Variants in CLVS1 observed in about 807,000 individuals in gnomAD.
CLVS1 encodes the protein clavesin-1.
A neutral mutation model predicts 33.1 loss-of-function variants in CLVS1; 10 were observed. That is an observed-to-expected ratio of 0.30 (90% CI 0.19 to 0.51). The LOEUF (loss-of-function observed/expected upper bound fraction) is 0.51, where lower values mean the gene tolerates loss of function less well. CLVS1 is among the 20% of genes least tolerant of loss of function. CLVS1 has a pLI of 0.97. For synonymous variants in CLVS1, 163 were observed against 166.1 expected (o/e 0.98, Z 0.14); for missense variants, 343 against 433.4 (o/e 0.79, Z 1.85).
At chr8:61,405,984 G>A (rs890915413) in intron 3 of CLVS1, among the ~76,000 whole-genome samples, 2 of 152,130 alleles carry the variant, frequency 1.3e-5, no homozygotes, top group Non-Finnish European at 2.9e-5. Flanking sequence ...AAATTCTTGA[G>A]TCAAAGTCTA....
chr8:61,284,524 G>C (rs1213775300), upstream of CLVS1, among the ~76,000 whole-genome samples: 1 of 152,136 alleles, frequency 6.6e-6, no homozygotes, highest in African/African-American at 2.4e-5. Context: ...CATACAAAAA[G>C]ATTGTGTACT....
the CLVS1 span, among the ~76,000 whole-genome samples, chr8:60,997,934 TTGTGTGTG>T: frequency 6.7e-6 from 1 of 150,366 alleles, no homozygotes; most frequent in Non-Finnish European, 1.5e-5. Flanking sequence ...CTTAAGGTGC[TTGTGTGTG>T]TGTGTGTGTG....
At chr8:61,322,399 A>AT (rs2129596405) in intron 2 of CLVS1, among the ~76,000 whole-genome samples, 1 of 152,286 alleles carries the variant, frequency 6.6e-6, no homozygotes, top group African/African-American at 2.4e-5. Context: ...CATCCTTCCA[A>AT]AGATTCTGAG....
chr8:61,449,039 C>CT (rs200421449), intron 3 of CLVS1, among the ~76,000 whole-genome samples: 2,590 of 146,522 alleles, frequency 0.018, 27 homozygotes, highest in South Asian at 0.041. Flanking sequence ...TTTTAGCTGG[C>CT]TTTTTTTTTT....
intron 2 of CLVS1, among the ~76,000 whole-genome samples, chr8:61,144,561 G>A (rs138040358): frequency 0.024 from 3,622 of 152,052 alleles, 141 homozygotes; most frequent in African/African-American, 0.082. Flanking sequence ...TAATCCTTTG[G>A]GTATATACCC....
the CLVS1 span, chr8:60,966,600 C>T: frequency 4.2e-6 from 1 of 239,542 alleles, no homozygotes; most frequent in Non-Finnish European, 8.6e-6. Flanking sequence ...TTCTGGGTCC[C>T]AGGGAGTTGG....
the CLVS1 span, among the ~76,000 whole-genome samples, chr8:60,985,293 G>A: frequency 2.6e-5 from 4 of 152,166 alleles, no homozygotes; most frequent in Non-Finnish European, 5.9e-5. Flanking sequence ...CAATGTCCAC[G>A]GCACACAGCT....
In CLVS1 at chr8:61,165,231, G is replaced by A. The variant is rs193258420; in HGVS notation, c.-152+33371G>A. 1.4e-4 allele frequency among the ~76,000 whole-genome samples: 22 copies of A among 152,318 alleles called. 1 individual carries two copies. In the East Asian group the frequency reaches 3.7e-3, roughly 25 times the overall value. ...ATCCGGAAGAATGGAAGTCAGCGGCGGGTCTGCGACAGTGGCAAAACAGCA... is the reference window on the plus strand; with the variant it reads ...ATCCGGAAGAATGGAAGTCAGCGGCAGGTCTGCGACAGTGGCAAAACAGCA... On this transcript the variant is annotated intron_variant, in intron 2 of 2. Coordinates refer to the CLVS1 transcript ENST00000522621.
At chr8:61,015,233 C>G in the CLVS1 span, among the ~76,000 whole-genome samples, 1 of 152,196 alleles carries the variant, frequency 6.6e-6, no homozygotes, top group Admixed American at 6.5e-5. Flanking sequence ...ATCCTTACAG[C>G]AAACCTATGA....
chr8:61,421,489 G>A (rs1228872957), intron 3 of CLVS1, among the ~76,000 whole-genome samples: 2 of 152,210 alleles, frequency 1.3e-5, no homozygotes, highest in East Asian at 1.9e-4. Flanking sequence ...TGATTCTGAT[G>A]AAAGCAATCC....
chr8:61,041,885 GTTTTTTGTT>G, the CLVS1 span, among the ~76,000 whole-genome samples: 1 of 152,186 alleles, frequency 6.6e-6, no homozygotes, highest in South Asian at 2.1e-4. Context: ...AGGACTTCCT[GTTTTTTGTT>G]TTTTGAGAGA....
chr8:61,370,912 G>C (rs945805765), intron 2 of CLVS1, among the ~76,000 whole-genome samples: 3 of 152,016 alleles, frequency 2.0e-5, no homozygotes, highest in Non-Finnish European at 4.4e-5. Context: ...ATGGACATTT[G>C]GGCTGATTCC....
At chr8:61,122,416 G>A (rs1805889495) in intron 1 of CLVS1, among the ~76,000 whole-genome samples, 5 of 152,108 alleles carry the variant, frequency 3.3e-5, no homozygotes, top group South Asian at 2.1e-4. Flanking sequence ...CTCGGGCCAG[G>A]GATATAGATT....
chr8:60,981,625 G>A, the CLVS1 span, among the ~76,000 whole-genome samples: 1 of 152,224 alleles, frequency 6.6e-6, no homozygotes, highest in Non-Finnish European at 1.5e-5. Context: ...GTGTTCCCTG[G>A]TGGCTAAGAT....
intron 1 of CLVS1, among the ~76,000 whole-genome samples, chr8:61,067,707 T>G (rs1804708538): frequency 6.6e-6 from 1 of 151,896 alleles, no homozygotes; most frequent in Admixed American, 6.6e-5. Context: ...ATATCCTAAG[T>G]GAATTAATAC....
intron 5 of CLVS1, among the ~76,000 whole-genome samples, chr8:61,481,105 T>C (rs1818177507): frequency 6.6e-6 from 1 of 152,096 alleles, no homozygotes; most frequent in East Asian, 1.9e-4. Flanking sequence ...ACATAGGTGT[T>C]GTTGACCTGT....
intron 2 of CLVS1, among the ~76,000 whole-genome samples, chr8:61,257,586 A>C (rs957735060): frequency 2.0e-5 from 3 of 152,216 alleles, no homozygotes; most frequent in African/African-American, 7.2e-5. Flanking sequence ...AAAAACCAGT[A>C]AGATCTGTAA....
chr8:61,005,161 A>T, the CLVS1 span, among the ~76,000 whole-genome samples: 5 of 152,208 alleles, frequency 3.3e-5, no homozygotes, highest in African/African-American at 1.2e-4. Context: ...TGCATCTAAA[A>T]TAACATGAGT....
chr8:61,000,827 G>T, the CLVS1 span, among the ~76,000 whole-genome samples: 7 of 152,256 alleles, frequency 4.6e-5, no homozygotes, highest in African/African-American at 1.7e-4. Flanking sequence ...AACTTTCCTA[G>T]TTGTGAGGTA....
Sources: allele counts gnomAD v4.1 joint callset (sites outside exome capture counted in the v4.1 genomes callset), GRCh38; gene constraint gnomAD v4.1.1; transcripts MANE v1.5; gene names NCBI Gene and HGNC (gene_info 2026-07-23, HGNC 2026-07-21).